The following ORC5 variants were observed in gnomAD, a reference collection of about 807,000 sequenced individuals.
ORC5 encodes the protein protein phosphatase 1, regulatory subunit 117.
ORC5 carries 39 observed loss-of-function variants against 58.8 expected under a neutral mutation model. The observed-to-expected ratio is 0.66, with a 90% confidence interval of 0.51 to 0.87. ORC5 has a LOEUF of 0.87. ORC5 is among the 40% of genes least tolerant of loss of function. ORC5 has a pLI of 0.00. For synonymous variants in ORC5, 218 were observed against 177.6 expected (o/e 1.23, Z -1.81); for missense variants, 493 against 506.3 (o/e 0.97, Z 0.25).
chr7:104,174,943 G>C (rs775290910), intron 8 of ORC5, among the ~76,000 whole-genome samples: 2 of 152,192 alleles, frequency 1.3e-5, no homozygotes, highest in Admixed American at 6.5e-5. Flanking sequence ...ATCAGAGAAG[G>C]GTTGTAGGAA....
Position 104,208,009 on chromosome 7 carries a change from G to C in ORC5, c.-105C>G. The stretch of plus-strand genomic sequence containing the variant: ...CGGCCCACGCTCCCGCCGGAAACCG[G>C]ACCCGCAGCGTCGTGGGAGGAGCCT... On this transcript the variant is annotated 5_prime_UTR_variant, in exon 1 of 14. Coordinates refer to ENST00000297431, the MANE Select transcript of ORC5 (RefSeq NM_002553.4). 2.8e-6 allele frequency: 3 copies of C among 1,088,932 alleles called. No homozygotes were observed. The highest frequency in any genetic ancestry group is 4.1e-6 in the Non-Finnish European group (3 of 725,550). The allele number at this position is 1,088,932 out of a possible 1,614,324, so 67.5% of individuals were successfully genotyped here.
At position 104,183,123 on chromosome 7, in the gene ORC5, G is replaced by A. The variant is rs371950612; in HGVS notation, c.824+820C>T. On this transcript the variant is annotated intron_variant, in intron 8 of 13. Coordinates refer to ENST00000297431, the MANE Select transcript of ORC5 (RefSeq NM_002553.4). ...GCACTCCAGCCTGGGCAACAAGAGC[G>A]AAACTACGTCTCAAAAAACAATTTC... 3.6e-4 allele frequency among the ~76,000 whole-genome samples: 55 copies of A among 152,230 alleles called. 1 individual carries two copies. The highest frequency in any genetic ancestry group is 1.3e-3 in the African/African-American group (53 of 41,540).
chr7:104,136,918 A>C lies in ORC5; in HGVS notation c.1150-25T>G, dbSNP rs1164727263. ...TCTAAAAGAGAACATTTTTATAAGAAACTGTTTTAATAAGATTATGTAATA... is the reference window on the plus strand; with the variant it reads ...TCTAAAAGAGAACATTTTTATAAGACACTGTTTTAATAAGATTATGTAATA... On this transcript the variant is annotated intron_variant, in intron 12 of 13. Coordinates refer to ENST00000297431, the MANE Select transcript of ORC5 (RefSeq NM_002553.4). The surrounding 1 kb of genome is among the most constrained non-coding windows in gnomAD (Gnocchi z 4.2). 1.4e-6 allele frequency: 2 copies of C among 1,456,232 alleles called. No homozygotes were observed. The highest frequency in any genetic ancestry group is 1.1e-5 in the South Asian group (1 of 87,768). 90.2% of individuals were successfully genotyped at this position (1,456,232 alleles called of 1,614,324 possible). A position where few individuals can be genotyped will look rare whatever the true frequency, so the allele number is the denominator to read the frequency against.
At chr7:104,149,051 G>C (rs973268045) in intron 12 of ORC5, among the ~76,000 whole-genome samples, 3 of 140,802 alleles carry the variant, frequency 2.1e-5, no homozygotes, top group African/African-American at 7.9e-5. Flanking sequence ...AAAAAAAAAA[G>C]TAAATTTAAG....
chr7:104,175,608 T>A (rs544960497), intron 8 of ORC5, among the ~76,000 whole-genome samples: 4 of 152,190 alleles, frequency 2.6e-5, no homozygotes, highest in African/African-American at 9.7e-5. Context: ...AAAGAAGAGA[T>A]CAATGTTTAT....
intron 8 of ORC5, among the ~76,000 whole-genome samples, chr7:104,174,612 T>C (rs1023649109): frequency 6.6e-6 from 1 of 152,138 alleles, no homozygotes; most frequent in South Asian, 2.1e-4. Flanking sequence ...GGGCAAGCTA[T>C]TGTCACACTG....
intron 5 of ORC5, among the ~76,000 whole-genome samples, chr7:104,193,045 G>A (rs1013673860): frequency 1.5e-4 from 23 of 151,888 alleles, no homozygotes; most frequent in African/African-American, 5.6e-4. Context: ...GAAAAGGTGA[G>A]GGGGGCAGAC....
intron 5 of ORC5, among the ~76,000 whole-genome samples, chr7:104,194,524 A>T (rs947085916): frequency 6.6e-6 from 1 of 152,136 alleles, no homozygotes; most frequent in African/African-American, 2.4e-5. Flanking sequence ...AATCATCAGG[A>T]TCTATGAAAT....
intron 6 of ORC5, chr7:104,187,977 G>C (rs1584514635): frequency 9.6e-7 from 1 of 1,045,260 alleles, no homozygotes; most frequent in South Asian, 4.5e-5. Context: ...TCTGCAATTA[G>C]AGAAAAAACA....
chr7:104,143,580 A>G, intron 12 of ORC5, among the ~76,000 whole-genome samples: 1 of 152,194 alleles, frequency 6.6e-6, no homozygotes, highest in East Asian at 1.9e-4. Flanking sequence ...AAATATTAAT[A>G]AGATGATTGA....
chr7:104,171,862 CA>C (rs753964551), intron 8 of ORC5, among the ~76,000 whole-genome samples: 72 of 151,946 alleles, frequency 4.7e-4, no homozygotes, highest in African/African-American at 1.7e-3. Context: ...CTCAAAAAAA[CA>C]AAAAAACAAA....
chr7:104,194,935 C>T (rs978271489), intron 5 of ORC5, among the ~76,000 whole-genome samples: 1 of 152,120 alleles, frequency 6.6e-6, no homozygotes, highest in African/African-American at 2.4e-5. Context: ...CAGTTTAATA[C>T]TTTGATATTC....
chr7:104,134,644 T>C (rs1243374706), intron 13 of ORC5, among the ~76,000 whole-genome samples: 1 of 151,950 alleles, frequency 6.6e-6, no homozygotes, highest in African/African-American at 2.4e-5. Flanking sequence ...GGCACCGAAA[T>C]GACCTCCAAC....
At chr7:104,143,340 T>C (rs892744938) in intron 12 of ORC5, among the ~76,000 whole-genome samples, 2 of 152,222 alleles carry the variant, frequency 1.3e-5, no homozygotes, top group African/African-American at 2.4e-5. Context: ...ACAAAATCTG[T>C]CTTTAATATA....
rs547178768 is a variant in ORC5, at chr7:104,145,630, T to C, written c.1150-8737A>G. 5.3e-5 allele frequency among the ~76,000 whole-genome samples: 8 copies of C among 152,048 alleles called. No individual in the cohort carries two copies. The South Asian group carries it at 8.4e-4, about 16-fold the overall frequency. On this transcript the variant is annotated intron_variant, in intron 12 of 13. Coordinates refer to ENST00000297431, the MANE Select transcript of ORC5 (RefSeq NM_002553.4). ...GAACTTCCCACCCAGACAGGATGCA[T>C]AGATTCATATTTGTTATTCTTCCCT...
intron 3 of ORC5, among the ~76,000 whole-genome samples, chr7:104,198,887 G>A (rs10250235): frequency 0.057 from 8,676 of 152,264 alleles, 813 homozygotes; most frequent in African/African-American, 0.2. Context: ...GTGCAGTCTC[G>A]GAACTTGGTG....
intron 8 of ORC5, among the ~76,000 whole-genome samples, chr7:104,171,645 C>T (rs1268158335): frequency 6.6e-6 from 1 of 152,060 alleles, no homozygotes; most frequent in Non-Finnish European, 1.5e-5. Context: ...ACAGTACTTT[C>T]CCAAGACTAT....
intron 12 of ORC5, among the ~76,000 whole-genome samples, chr7:104,151,548 T>C (rs975691834): frequency 1.3e-5 from 2 of 152,210 alleles, no homozygotes; most frequent in Admixed American, 1.3e-4. Flanking sequence ...ATAACGCGTA[T>C]ACTACATGGC....
chr7:104,207,928 C>T lies in ORC5; in HGVS notation c.-24G>A, dbSNP rs1800137059. ...ATTCTGGCAGGCACCACCGCAGAGG[C>T]CAGTGCAGCCAGCCCACAGGACCCT... is the stretch of plus-strand genomic sequence containing the variant. On this transcript the variant is annotated 5_prime_UTR_variant, in exon 1 of 14. Transcript: ENST00000297431. 1 of 1,609,004 alleles carries T rather than the reference C, an allele frequency of 6.2e-7. No homozygotes were observed. Among genetic ancestry groups the T allele is most frequent in the South Asian group, 1.1e-5 (1 of 90,986 alleles).
Sources: gnomAD v4.1 joint callset for allele counts (sites outside exome capture counted in the v4.1 genomes callset) on GRCh38, gnomAD v4.1.1 for gene constraint, Gnocchi (gnomAD v3.1) non-coding constraint, MANE v1.5 for transcripts, NCBI Gene and HGNC (gene_info 2026-07-23, HGNC 2026-07-21) for gene names.